The following MCTP2 variants were observed in gnomAD, a reference collection of about 807,000 sequenced individuals.
The protein encoded by MCTP2 is multiple C2 and transmembrane domain-containing protein 2.
A neutral mutation model predicts 111.6 loss-of-function variants in MCTP2; 132 were observed. That is an observed-to-expected ratio of 1.18 (90% CI 1.03 to 1.37). The LOEUF is 1.37. Ranked by LOEUF, MCTP2 falls within the 40% of genes most tolerant of loss-of-function variation. The probability of loss-of-function intolerance (pLI) is 0.00; values close to 1 mark genes in which losing one functional copy is unlikely to be tolerated. For synonymous variants in MCTP2, 395 were observed against 387.7 expected (o/e 1.02, Z -0.22); for missense variants, 1,183 against 1,067.9 (o/e 1.11, Z -1.50).
chr15:94,429,195 T>C (rs145834313), intron 17 of MCTP2, among the ~76,000 whole-genome samples: 1 of 152,172 alleles, frequency 6.6e-6, no homozygotes, highest in East Asian at 1.9e-4. Context: ...ACCTGAATTG[T>C]TGCTAAGACC....
chr15:94,356,876 G>C lies in MCTP2; in HGVS notation c.1170+575G>C, dbSNP rs147889996. Among the ~76,000 whole-genome samples the C allele has an allele frequency of 1.1e-4, 17 of 152,086 alleles. No homozygotes were observed. In the East Asian group the frequency reaches 3.3e-3, roughly 29 times the overall value. ...ATCTTATTCTGCTGATCCAAATTCC[G>C]TTTAATTTTTAATCTTAGTAATTTG... On this transcript the variant is annotated intron_variant, in intron 9 of 22. Transcript: ENST00000357742.
At chr15:94,476,104 A>G (rs138219965) in intron 21 of MCTP2, among the ~76,000 whole-genome samples, 24 of 152,274 alleles carry the variant, frequency 1.6e-4, no homozygotes, top group African/African-American at 5.8e-4. Flanking sequence ...TTCTGCTGTG[A>G]GAGGAGAGAA....
chr15:94,396,319 C>G (rs919908838), intron 14 of MCTP2, among the ~76,000 whole-genome samples: 1 of 151,990 alleles, frequency 6.6e-6, no homozygotes, highest in Non-Finnish European at 1.5e-5. Flanking sequence ...TAGATTCTCT[C>G]CTCTAAATTT....
intron 18 of MCTP2, among the ~76,000 whole-genome samples, chr15:94,442,062 T>A (rs1370455754): frequency 6.6e-6 from 1 of 152,174 alleles, no homozygotes; most frequent in African/African-American, 2.4e-5. Flanking sequence ...GAGCATGATA[T>A]TGACAATTCT....
rs756927461 is a variant in MCTP2, at chr15:94,458,167, A to G, written c.2281A>G (p.Ile761Val). The change falls in exon 20 of 23, where the codon ATC becomes GTC. Residue 761 changes from isoleucine to valine, a missense_variant. Ile to Val is a conservative substitution (Grantham distance 29, BLOSUM62 3). Coordinates refer to ENST00000357742, the MANE Select transcript of MCTP2 (RefSeq NM_001385001.1). ...ESEKKGLIER[I>V]YMVQDIVSTV... ...TGAGAAAAAGGGGTTGATTGAAAGA[A>G]TCTATATGGTACAGGATATTGTTTC... is the stretch of plus-strand genomic sequence containing the variant. The G allele has an allele frequency of 6.2e-7, 1 of 1,611,624 alleles. No homozygotes were observed. Among genetic ancestry groups the G allele is most frequent in the Non-Finnish European group, 8.5e-7 (1 of 1,177,774 alleles).
chr15:94,270,647 C>T (rs561640396), intron 1 of MCTP2, among the ~76,000 whole-genome samples: 3 of 152,164 alleles, frequency 2.0e-5, no homozygotes, highest in Non-Finnish European at 2.9e-5. Context: ...CCTCTCCTGG[C>T]CTTCTGCACT....
At chr15:94,255,697 C>T (rs2072720163) in intron 1 of MCTP2, among the ~76,000 whole-genome samples, 1 of 151,994 alleles carries the variant, frequency 6.6e-6, no homozygotes, top group African/African-American at 2.4e-5. Flanking sequence ...CAGCAGAAGC[C>T]GTGGTCAACT....
chr15:94,423,712 T>C (rs1047882324), intron 17 of MCTP2, among the ~76,000 whole-genome samples: 19 of 152,178 alleles, frequency 1.2e-4, no homozygotes, highest in African/African-American at 4.6e-4. Flanking sequence ...CGGCTGCCAA[T>C]GGTAGTGGCT....
intron 19 of MCTP2, among the ~76,000 whole-genome samples, chr15:94,451,493 T>G (rs948715505): frequency 5.3e-5 from 8 of 152,234 alleles, no homozygotes; most frequent in African/African-American, 1.9e-4. Flanking sequence ...TTAGCCACAA[T>G]AATCTTGTTC....
chr15:94,303,223 C>T (rs140044431), intron 2 of MCTP2, among the ~76,000 whole-genome samples: 158 of 130,568 alleles, frequency 1.2e-3, no homozygotes, highest in African/African-American at 4.1e-3. Context: ...CATGATCACA[C>T]GGTCCCACAA....
chr15:94,245,880 A>G (rs1054791546), intron 1 of MCTP2, among the ~76,000 whole-genome samples: 10 of 152,026 alleles, frequency 6.6e-5, no homozygotes, highest in Non-Finnish European at 1.3e-4. Context: ...AAACAGGGCA[A>G]TAGAGAAAAT....
chr15:94,379,651 C>T (rs2079988709), intron 12 of MCTP2, among the ~76,000 whole-genome samples: 1 of 150,102 alleles, frequency 6.7e-6, no homozygotes, highest in Non-Finnish European at 1.5e-5. Flanking sequence ...CTTACATTAC[C>T]TGATTATCGC....
At chr15:94,405,478 C>T (rs139343551) in intron 17 of MCTP2, among the ~76,000 whole-genome samples, 3 of 152,276 alleles carry the variant, frequency 2.0e-5, no homozygotes, top group Admixed American at 1.3e-4. Context: ...TCTAGGTCCG[C>T]ATGGTGTCTC....
chr15:94,410,594 G>T (rs1440669488), intron 17 of MCTP2, among the ~76,000 whole-genome samples: 1 of 151,998 alleles, frequency 6.6e-6, no homozygotes, highest in Non-Finnish European at 1.5e-5. Flanking sequence ...TAATACTTCC[G>T]GTTAATGTCA....
chr15:94,478,808 C>T (rs1024885552), intron 22 of MCTP2, among the ~76,000 whole-genome samples, 158 bp from the exon 23 acceptor site: 1 of 152,164 alleles, frequency 6.6e-6, no homozygotes, highest in Non-Finnish European at 1.5e-5. Context: ...CAAATCCTTC[C>T]TGCAATTAAT....
At chr15:94,309,055 T>C (rs965432566) in intron 2 of MCTP2, among the ~76,000 whole-genome samples, 3 of 152,218 alleles carry the variant, frequency 2.0e-5, no homozygotes, top group Non-Finnish European at 2.9e-5. Flanking sequence ...GATTGTATGA[T>C]CCATAACCTC....
In MCTP2 at chr15:94,437,155, CAAAAAAA is replaced by C. The variant is rs11352999; in HGVS notation, c.2086-3004_2086-2998del. 3.8e-3 allele frequency among the ~76,000 whole-genome samples: 265 copies of C among 69,594 alleles called. 2 individuals carry two copies. Among genetic ancestry groups the C allele is most frequent in the South Asian group, 0.025 (47 of 1,908 alleles). The allele number at this position is 69,594 out of a possible 152,430, so 45.7% of individuals were successfully genotyped here. A position where few individuals can be genotyped will look rare whatever the true frequency, so the allele number is the denominator to read the frequency against. On this transcript the variant is annotated intron_variant, in intron 17 of 22. Coordinates refer to ENST00000357742, the MANE Select transcript of MCTP2 (RefSeq NM_001385001.1). ...TTCAAAAATTTCACACTTACACATC[CAAAAAAA>C]AAAAAAAAAAAAAAAAGAGGTTTAG...
chr15:94,322,620 T>G (rs2076681365), intron 4 of MCTP2, among the ~76,000 whole-genome samples: 1 of 152,206 alleles, frequency 6.6e-6, no homozygotes, highest in African/African-American at 2.4e-5. Flanking sequence ...CATGGTCTGA[T>G]TTTTGGATTC....
intron 9 of MCTP2, 85 bp from the exon 10 acceptor site, chr15:94,358,397 A>AGTTTAATGATGAAATTAAT (rs2078745052): frequency 1.6e-6 from 2 of 1,263,332 alleles, no homozygotes; most frequent in Non-Finnish European, 2.2e-6. Flanking sequence ...GACCCTCTGC[A>AGTTTAATGATGAAATTAAT]GTTTAATGAT....
Sources: gnomAD v4.1 joint callset for allele counts (sites outside exome capture counted in the v4.1 genomes callset) on GRCh38, gnomAD v4.1.1 for gene constraint, MANE v1.5 for transcripts, NCBI Gene and HGNC (gene_info 2026-07-23, HGNC 2026-07-21) for gene names.